The following IL1RAPL2 variants were observed in gnomAD, a reference collection of about 807,000 sequenced individuals.
IL1RAPL2 encodes the protein interleukin 1 receptor accessory protein like 2, also known as X-linked interleukin-1 receptor accessory protein-like 2.
Under a neutral mutation model 44.1 loss-of-function variants are expected in IL1RAPL2, and 3 were observed. The ratio of observed to expected loss-of-function variants is 0.07; its 90% CI spans 0.03 to 0.18. The LOEUF is 0.18. Among genes scored for constraint, IL1RAPL2 ranks in the 10% least tolerant of loss-of-function variants. The pLI is 1.00. For missense variants in IL1RAPL2, 391 were observed against 496.4 expected (o/e 0.79, Z 2.02); for synonymous variants, 181 against 178.8 (o/e 1.01, Z -0.10).
chrX:105,300,987 G>A (rs1221649698), intron 5 of IL1RAPL2, among the ~76,000 whole-genome samples: 1 of 111,827 alleles, frequency 8.9e-6, no homozygotes, highest in Non-Finnish European at 1.9e-5. Context: ...TATAAGTTTG[G>A]AGACATGCTT....
At chrX:105,436,812 G>A (rs1375226316) in intron 5 of IL1RAPL2, among the ~76,000 whole-genome samples, 1 of 109,954 alleles carries the variant, frequency 9.1e-6, no homozygotes, top group African/African-American at 3.3e-5. Flanking sequence ...GGTTGTATAA[G>A]AATATCACTT....
intron 2 of IL1RAPL2, among the ~76,000 whole-genome samples, chrX:104,909,935 G>A (rs1345685236): frequency 8.9e-6 from 1 of 112,358 alleles, no homozygotes; most frequent in Admixed American, 9.4e-5. Context: ...GGTAATGGTG[G>A]GCGCCCCTCC....
Position 104,906,361 on chromosome X carries a change from G to A in IL1RAPL2, c.82+247366G>A, listed in dbSNP as rs1449337194. Among the ~76,000 whole-genome samples, 21 of 110,551 alleles carry A rather than the reference G, an allele frequency of 1.9e-4. 1 individual carries two copies. The highest frequency in any genetic ancestry group is 6.9e-4 in the African/African-American group (21 of 30,389). ...ACTATGTTGAATAGGAGTGGTGAGA[G>A]AGGGCATCCCTGTCTTGTGCCTGTT... On this transcript the variant is annotated intron_variant, in intron 2 of 10. Transcript: ENST00000372582.
chrX:104,577,452 T>C (rs1488209413), intron 1 of IL1RAPL2, among the ~76,000 whole-genome samples: 2 of 111,763 alleles, frequency 1.8e-5, no homozygotes, highest in Non-Finnish European at 3.8e-5. Flanking sequence ...AACTGAGTTT[T>C]GCCAGGATCC....
intron 5 of IL1RAPL2, among the ~76,000 whole-genome samples, chrX:105,402,416 A>G (rs1016154132): frequency 8.9e-6 from 1 of 111,964 alleles, no homozygotes; most frequent in Non-Finnish European, 1.9e-5. Flanking sequence ...ACATTTTTAA[A>G]AGGTCAAGGG....
At chrX:105,609,845 T>A (rs1221493574) in intron 6 of IL1RAPL2, among the ~76,000 whole-genome samples, 1 of 111,809 alleles carries the variant, frequency 8.9e-6, no homozygotes, top group African/African-American at 3.2e-5. Flanking sequence ...CTGGTATGAT[T>A]CAAAGTGAGT....
chrX:104,874,298 C>CTCTCTT (rs1922847658), intron 2 of IL1RAPL2, among the ~76,000 whole-genome samples: 3 of 107,059 alleles, frequency 2.8e-5, no homozygotes, highest in African/African-American at 1.0e-4. Flanking sequence ...CTCTCTCTCT[C>CTCTCTT]TCTCTCTCTC....
intron 2 of IL1RAPL2, among the ~76,000 whole-genome samples, chrX:104,974,329 A>T (rs935962707): frequency 8.9e-6 from 1 of 112,231 alleles, no homozygotes; most frequent in Non-Finnish European, 1.9e-5. Context: ...AAAATCTTAA[A>T]GTTAAATTTT....
intron 1 of IL1RAPL2, among the ~76,000 whole-genome samples, chrX:104,585,513 A>G (rs1468143669): frequency 1.1e-5 from 1 of 89,728 alleles, no homozygotes; most frequent in African/African-American, 4.2e-5. Context: ...TGTGCCATGG[A>G]GGTTTGTTGT....
At chrX:105,007,999 G>A (rs79238478) in intron 2 of IL1RAPL2, among the ~76,000 whole-genome samples, 724 of 10,280 alleles carry the variant, frequency 0.07, 58 homozygotes, top group South Asian at 0.44. Context: ...GAAGAGAATT[G>A]CCAAGGGCAA....
At chrX:105,247,565 C>A (rs747777855) in intron 4 of IL1RAPL2, among the ~76,000 whole-genome samples, 2 of 104,559 alleles carry the variant, frequency 1.9e-5, no homozygotes, top group East Asian at 6.0e-4. Flanking sequence ...CAAAAAGAGA[C>A]CACTAAATAG....
At chrX:104,601,591 C>T (rs1231836147) in intron 1 of IL1RAPL2, among the ~76,000 whole-genome samples, 2 of 111,726 alleles carry the variant, frequency 1.8e-5, no homozygotes, top group Admixed American at 1.9e-4. Flanking sequence ...AATCTCCAAA[C>T]TGTTTTCCAC....
intron 6 of IL1RAPL2, among the ~76,000 whole-genome samples, chrX:105,517,729 T>C (rs1321139695): frequency 8.9e-6 from 1 of 111,776 alleles, no homozygotes; most frequent in Non-Finnish European, 1.9e-5. Context: ...ATAGCATTTT[T>C]TTCTGTACTT....
chrX:104,837,322 T>G (rs762904117), intron 2 of IL1RAPL2, among the ~76,000 whole-genome samples: 1 of 111,778 alleles, frequency 8.9e-6, no homozygotes, highest in African/African-American at 3.3e-5. Context: ...CCACAATGGT[T>G]GAACTAATTT....
At chrX:105,583,141 T>TG (rs1395343015) in intron 6 of IL1RAPL2, among the ~76,000 whole-genome samples, 1 of 106,559 alleles carries the variant, frequency 9.4e-6, no homozygotes, top group Non-Finnish European at 1.9e-5. Flanking sequence ...TTTTTTTTGT[T>TG]TTTTTTTTTT....
chrX:104,896,937 G>A (rs143096176), intron 2 of IL1RAPL2, among the ~76,000 whole-genome samples: 3 of 111,112 alleles, frequency 2.7e-5, no homozygotes, highest in East Asian at 5.7e-4. Flanking sequence ...GAAAGTCTGC[G>A]GCTTCACTCC....
intron 2 of IL1RAPL2, among the ~76,000 whole-genome samples, chrX:104,952,505 A>C (rs1925610862): frequency 8.9e-6 from 1 of 112,302 alleles, no homozygotes; most frequent in African/African-American, 3.2e-5. Flanking sequence ...GAGTGAATTT[A>C]CTTTAACAAA....
chrX:105,681,656 G>T (rs2037926690), intron 6 of IL1RAPL2, among the ~76,000 whole-genome samples: 1 of 111,165 alleles, frequency 9.0e-6, no homozygotes, highest in Non-Finnish European at 1.9e-5. Context: ...TACTCAAGAG[G>T]CTGAGGCCGG....
At chrX:105,334,871 A>G (rs947366512) in intron 5 of IL1RAPL2, among the ~76,000 whole-genome samples, 1 of 111,521 alleles carries the variant, frequency 9.0e-6, no homozygotes, top group African/African-American at 3.3e-5. Context: ...TCCTTCACAC[A>G]TAAAAAACAT....
Sources: gnomAD v4.1 joint callset for allele counts (sites outside exome capture counted in the v4.1 genomes callset) on GRCh38, gnomAD v4.1.1 for gene constraint, MANE v1.5 for transcripts, NCBI Gene and HGNC (gene_info 2026-07-23, HGNC 2026-07-21) for gene names.